Variants in ROBO2 observed in about 807,000 individuals in gnomAD.
ROBO2 encodes roundabout homolog 2.
ROBO2 carries 53 observed loss-of-function variants against 160.8 expected under a neutral mutation model. The observed-to-expected ratio is 0.33, with a 90% confidence interval of 0.26 to 0.41. ROBO2 has a LOEUF of 0.41. ROBO2 is among the 10% of genes least tolerant of loss of function. The pLI, the probability that ROBO2 is intolerant of heterozygous loss-of-function variation, is 1.00. For synonymous variants in ROBO2, 664 were observed against 611.7 expected, an observed-to-expected ratio of 1.09 and a Z score of -1.26; for missense variants, 1,577 against 1,722.4, an observed-to-expected ratio of 0.92 and a Z score of 1.49.
chr3:76,445,266 A>G (rs1341165318), intron 2 of ROBO2, among the ~76,000 whole-genome samples: 2 of 152,144 alleles, frequency 1.3e-5, no homozygotes, highest in Non-Finnish European at 2.9e-5. Flanking sequence ...ATAGAAAAAA[A>G]CTCCAAATTG....
chr3:75,975,127 T>A (rs1484344756), intron 2 of ROBO2, among the ~76,000 whole-genome samples: 1 of 151,496 alleles, frequency 6.6e-6, no homozygotes, highest in African/African-American at 2.4e-5. Context: ...TGGCTAGATA[T>A]AAAATAGTTG....
At chr3:76,305,012 G>T (rs2071266146) in intron 2 of ROBO2, among the ~76,000 whole-genome samples, 1 of 151,828 alleles carries the variant, frequency 6.6e-6, no homozygotes, top group Non-Finnish European at 1.5e-5. Context: ...GACTTCCTTG[G>T]AAGCATAAGA....
chr3:76,561,227 G>A (rs182690208), intron 2 of ROBO2, among the ~76,000 whole-genome samples: 1 of 151,718 alleles, frequency 6.6e-6, no homozygotes, highest in African/African-American at 2.4e-5. Flanking sequence ...AAAAATAATT[G>A]GTTGAATCCT....
intron 2 of ROBO2, among the ~76,000 whole-genome samples, chr3:76,843,086 A>G (rs1274253907): frequency 6.6e-6 from 1 of 151,918 alleles, no homozygotes. Flanking sequence ...TCCCATTTCC[A>G]CTTGAGCTTT....
chr3:77,214,171 C>G (rs1463111729), intron 2 of ROBO2, among the ~76,000 whole-genome samples: 1 of 152,102 alleles, frequency 6.6e-6, no homozygotes, highest in Non-Finnish European at 1.5e-5. Flanking sequence ...CTAATGTTGA[C>G]AGTGGGGTGT....
chr3:76,415,500 T>C (rs2075718776), intron 2 of ROBO2, among the ~76,000 whole-genome samples: 2 of 152,178 alleles, frequency 1.3e-5, no homozygotes, highest in Non-Finnish European at 2.9e-5. Flanking sequence ...TACTAAATAT[T>C]TTAATAATGA....
intron 2 of ROBO2, among the ~76,000 whole-genome samples, chr3:76,945,659 C>G (rs183847244): frequency 6.6e-6 from 1 of 152,202 alleles, no homozygotes; most frequent in African/African-American, 2.4e-5. Flanking sequence ...TGTTTTATTT[C>G]GAATAAATTT....
intron 2 of ROBO2, among the ~76,000 whole-genome samples, chr3:77,427,642 G>GA (rs780842728): frequency 1.3e-5 from 2 of 152,150 alleles, no homozygotes; most frequent in Non-Finnish European, 2.9e-5. Context: ...ACTGGCCAGG[G>GA]AAAAAGAAAG....
At chr3:77,387,524 C>T (rs2074264271) in intron 2 of ROBO2, among the ~76,000 whole-genome samples, 1 of 151,864 alleles carries the variant, frequency 6.6e-6, no homozygotes, top group South Asian at 2.1e-4. Flanking sequence ...TTTGAAGTTT[C>T]CTTTTGATAG....
At chr3:77,087,334 T>G (rs577858506) in intron 1 of ROBO2, among the ~76,000 whole-genome samples, 4 of 152,142 alleles carry the variant, frequency 2.6e-5, no homozygotes, top group Admixed American at 2.0e-4. Flanking sequence ...TCAAACCACA[T>G]GAAAATATTA....
chr3:76,306,448 G>T (rs931519038), intron 2 of ROBO2, among the ~76,000 whole-genome samples: 4 of 152,022 alleles, frequency 2.6e-5, no homozygotes, highest in Non-Finnish European at 5.9e-5. Context: ...GGTATTTATT[G>T]TGCATAAATA....
chr3:76,133,369 C>T (rs996449953), intron 2 of ROBO2, among the ~76,000 whole-genome samples: 3 of 151,382 alleles, frequency 2.0e-5, no homozygotes, highest in African/African-American at 7.3e-5. Context: ...TATATTTTCT[C>T]TAGAAAAATA....
chr3:77,314,351 A>G (rs1178065653), intron 2 of ROBO2, among the ~76,000 whole-genome samples: 1 of 152,174 alleles, frequency 6.6e-6, no homozygotes, highest in Non-Finnish European at 1.5e-5. Flanking sequence ...TTAAGTATTG[A>G]CTTTTTAAAG....
chr3:76,027,464 A>C (rs2107689912), intron 2 of ROBO2, among the ~76,000 whole-genome samples: 1 of 151,938 alleles, frequency 6.6e-6, no homozygotes, highest in Non-Finnish European at 1.5e-5. Context: ...AGTGAGCAAA[A>C]GGGGGCTTAT....
intron 2 of ROBO2, among the ~76,000 whole-genome samples, chr3:75,988,327 A>G (rs1004337000): frequency 3.9e-5 from 6 of 152,132 alleles, no homozygotes; most frequent in Admixed American, 1.3e-4. Context: ...ATAATTGTTC[A>G]TAGTACTCTT....
chr3:76,245,605 T>A (rs1440652237), intron 2 of ROBO2, among the ~76,000 whole-genome samples: 1 of 152,192 alleles, frequency 6.6e-6, no homozygotes, highest in Non-Finnish European at 1.5e-5. Flanking sequence ...TAATCATCAA[T>A]CTTTAATCTT....
rs1185351971 is a variant in ROBO2, at chr3:76,739,062, G to A, written c.110-358952G>A. 3.3e-5 allele frequency among the ~76,000 whole-genome samples: 5 copies of A among 152,246 alleles called. No individual in the cohort carries two copies. The East Asian group carries it at 9.7e-4, about 29-fold the overall frequency. ...ACAGAAATGGTGGGTACAGATTCAG[G>A]TCAGTGTGGCGATTCCTCAGGGATC... On this transcript the variant is annotated intron_variant, in intron 2 of 26. Coordinates refer to the ROBO2 transcript ENST00000487694.
At chr3:76,576,474 T>G (rs2085295879) in intron 2 of ROBO2, among the ~76,000 whole-genome samples, 1 of 152,124 alleles carries the variant, frequency 6.6e-6, no homozygotes, top group Non-Finnish European at 1.5e-5. Context: ...AATCTAATTT[T>G]CTAGCTCTGC....
At chr3:77,523,640 C>T (rs773990073) in intron 6 of ROBO2, among the ~76,000 whole-genome samples, 11 of 151,274 alleles carry the variant, frequency 7.3e-5, no homozygotes, top group Non-Finnish European at 1.2e-4. Context: ...TTGTTGATCA[C>T]GTGAGGGAAA....
Sources: gnomAD v4.1 joint callset for allele counts (sites outside exome capture counted in the v4.1 genomes callset) on GRCh38, gnomAD v4.1.1 for gene constraint, MANE v1.5 for transcripts, NCBI Gene and HGNC (gene_info 2026-07-23, HGNC 2026-07-21) for gene names.